Variants in ABLIM1 observed in about 807,000 individuals in gnomAD.
ABLIM1 encodes the protein actin-binding LIM protein 1.
In ABLIM1, 40 loss-of-function variants were observed where a neutral mutation model predicts 107.0. That is an observed-to-expected ratio of 0.37 (90% CI 0.29 to 0.49). The LOEUF is 0.49. Ranked by LOEUF, ABLIM1 falls within the 20% of genes least tolerant of loss-of-function variation. ABLIM1 has a pLI of 0.97. For synonymous variants in ABLIM1, 357 were observed against 357.3 expected, an observed-to-expected ratio of 1.00 and a Z score of 0.01; for missense variants, 857 against 1,008.5, an observed-to-expected ratio of 0.85 and a Z score of 2.04.
the ABLIM1 span, among the ~76,000 whole-genome samples, chr10:114,789,828 C>G: frequency 2.0e-5 from 3 of 148,912 alleles, no homozygotes; most frequent in Non-Finnish European, 4.4e-5. Flanking sequence ...CTCACTCTAT[C>G]CCCCAGGCTG....
chr10:114,663,709 G>A (rs1240311164), intron 1 of ABLIM1, among the ~76,000 whole-genome samples: 1 of 152,232 alleles, frequency 6.6e-6, no homozygotes, highest in Admixed American at 6.5e-5. Context: ...ATGCCCGAGA[G>A]GCCCTGGCCA....
chr10:114,785,038 T>C, the ABLIM1 span, among the ~76,000 whole-genome samples: 1 of 152,234 alleles, frequency 6.6e-6, no homozygotes, highest in East Asian at 1.9e-4. Flanking sequence ...GAGCAAAGTA[T>C]AAGGAAACAT....
In ABLIM1 at chr10:114,444,091, TC is replaced by T; in HGVS notation, c.1870del (p.Glu624ArgfsTer11). Reference sequence around the variant, plus strand: ...AGATGACCTTTCCCGGCTCTCTTTCTCCATCTCTTCTTTCAAGATCAACTGT... The same window carrying T: ...AGATGACCTTTCCCGGCTCTCTTTCTCATCTCTTCTTTCAAGATCAACTGT... ...LGQLILKEEM[E>X]KESRERSSLL... On this transcript the variant is annotated frameshift_variant, in exon 17 of 23. Coordinates refer to ENST00000533213, the MANE Select transcript of ABLIM1 (RefSeq NM_002313.7). LOFTEE classifies it high-confidence loss of function. 6.2e-7 allele frequency: 1 copy of T among 1,611,740 alleles called. No individual in the cohort carries two copies. The highest frequency in any genetic ancestry group is 8.5e-7 in the Non-Finnish European group (1 of 1,179,486).
chr10:114,615,276 C>G (rs2077060807), intron 1 of ABLIM1, among the ~76,000 whole-genome samples: 1 of 152,172 alleles, frequency 6.6e-6, no homozygotes, highest in Non-Finnish European at 1.5e-5. Flanking sequence ...ACTCTTTCCA[C>G]ATCCTCCCAA....
chr10:114,508,935 A>T (rs1240368914), intron 6 of ABLIM1, among the ~76,000 whole-genome samples: 2 of 152,252 alleles, frequency 1.3e-5, no homozygotes, highest in African/African-American at 4.8e-5. Context: ...CAGTTTATAA[A>T]GTACTTTCAC....
Position 114,600,919 on chromosome 10 carries a change from C to T in ABLIM1, c.379+908G>A, listed in dbSNP as rs143999783. 2.7e-3 allele frequency among the ~76,000 whole-genome samples: 407 copies of T among 152,250 alleles called. 2 individuals carry two copies. The highest frequency in any genetic ancestry group is 4.5e-3 in the Non-Finnish European group (307 of 68,004). Reference sequence around the variant, plus strand: ...GGTTGGCATATTTCATACAAAGATGCCAATCTTTGTAAACCCCAAAAGGTA... The same window carrying T: ...GGTTGGCATATTTCATACAAAGATGTCAATCTTTGTAAACCCCAAAAGGTA... On this transcript the variant is annotated intron_variant, in intron 2 of 22. Transcript: ENST00000533213.
chr10:114,562,764 G>A (rs2069946115), intron 4 of ABLIM1, among the ~76,000 whole-genome samples: 1 of 152,138 alleles, frequency 6.6e-6, no homozygotes, highest in Non-Finnish European at 1.5e-5. Flanking sequence ...CTCCCTCAGA[G>A]GCTCTCCTGG....
At chr10:114,784,073 C>T in the ABLIM1 span, among the ~76,000 whole-genome samples, 1 of 151,968 alleles carries the variant, frequency 6.6e-6, no homozygotes, top group East Asian at 1.9e-4. Flanking sequence ...ATGGGCCGGG[C>T]GCAGTGGCTC....
intron 1 of ABLIM1, among the ~76,000 whole-genome samples, chr10:114,693,694 G>A (rs1291348449): frequency 6.6e-6 from 1 of 151,402 alleles, no homozygotes; most frequent in Admixed American, 6.6e-5. Context: ...TGTCACTCAG[G>A]CTGGAGTGCA....
intron 1 of ABLIM1, among the ~76,000 whole-genome samples, chr10:114,753,958 T>A (rs1047889628): frequency 6.6e-6 from 1 of 152,174 alleles, no homozygotes; most frequent in Non-Finnish European, 1.5e-5. Context: ...TTCAAGTGAT[T>A]CTCCTGCCTC....
chr10:114,702,585 G>A (rs1343533786), intron 1 of ABLIM1, among the ~76,000 whole-genome samples: 1 of 145,532 alleles, frequency 6.9e-6, no homozygotes, highest in Non-Finnish European at 1.5e-5. Context: ...GGAGTGCAGT[G>A]GCGCGATCTC....
At chr10:114,579,998 T>C (rs1346695007) in intron 2 of ABLIM1, among the ~76,000 whole-genome samples, 1 of 152,094 alleles carries the variant, frequency 6.6e-6, no homozygotes, top group Non-Finnish European at 1.5e-5. Context: ...GGACAAGCCC[T>C]TTCCTATTGA....
chr10:114,437,321 C>CTTTT (rs1314987276), intron 22 of ABLIM1, among the ~76,000 whole-genome samples: 7 of 134,574 alleles, frequency 5.2e-5, no homozygotes, highest in Admixed American at 1.5e-4. Flanking sequence ...TTCTTTCTTT[C>CTTTT]TTTTTTTTTT....
intron 1 of ABLIM1, among the ~76,000 whole-genome samples, chr10:114,755,609 C>A (rs919602698): frequency 3.3e-5 from 5 of 152,216 alleles, no homozygotes. Context: ...CAGTACTTGT[C>A]TAGCCGGCTT....
chr10:114,553,989 G>A (rs961424045), intron 4 of ABLIM1, among the ~76,000 whole-genome samples: 3 of 152,202 alleles, frequency 2.0e-5, no homozygotes, highest in African/African-American at 7.2e-5. Context: ...TAAGTAGGGG[G>A]ACTTCATTAG....
chr10:114,487,916 C>T (rs776383018), intron 8 of ABLIM1, 42 bp downstream of exon 8: 8 of 1,607,370 alleles, frequency 5.0e-6, no homozygotes, highest in Non-Finnish European at 6.8e-6. Flanking sequence ...GAGCGTATGG[C>T]CTACAAATGC....
intron 2 of ABLIM1, among the ~76,000 whole-genome samples, chr10:114,597,903 C>T (rs1003328686): frequency 2.0e-5 from 3 of 152,172 alleles, no homozygotes; most frequent in South Asian, 4.1e-4. Flanking sequence ...GGAATGCACA[C>T]CTCGAGGAAT....
At chr10:114,474,327 C>A (rs576629039) in intron 8 of ABLIM1, among the ~76,000 whole-genome samples, 1 of 152,168 alleles carries the variant, frequency 6.6e-6, no homozygotes, top group African/African-American at 2.4e-5. Context: ...GAGTTTTCTG[C>A]CTTCTCCCCT....
At chr10:114,576,608 T>C (rs1251618396) in intron 2 of ABLIM1, among the ~76,000 whole-genome samples, 1 of 152,156 alleles carries the variant, frequency 6.6e-6, no homozygotes, top group Non-Finnish European at 1.5e-5. Flanking sequence ...TGAGTTCCCA[T>C]GACTCCTTAA....
Sources: gnomAD v4.1 joint callset for allele counts (sites outside exome capture counted in the v4.1 genomes callset) on GRCh38, gnomAD v4.1.1 for gene constraint, MANE v1.5 for transcripts, NCBI Gene and HGNC (gene_info 2026-07-23, HGNC 2026-07-21) for gene names.